NDUFS4: variants seen among roughly 807,000 people sequenced by gnomAD.
The protein encoded by NDUFS4 is NADH:ubiquinone oxidoreductase subunit S4.
A neutral mutation model predicts 24.3 loss-of-function variants in NDUFS4; 28 were observed. That is an observed-to-expected ratio of 1.15 (90% CI 0.85 to 1.58). NDUFS4 has a LOEUF of 1.58. NDUFS4 is among the 40% of genes most tolerant of loss of function. The pLI is 0.00. For synonymous variants in NDUFS4, 93 were observed against 69.7 expected, an observed-to-expected ratio of 1.34 and a Z score of -1.67; for missense variants, 223 against 207.9, an observed-to-expected ratio of 1.07 and a Z score of -0.45.
chr5:53,646,971 G>C (rs1330723684), intron 3 of NDUFS4, among the ~76,000 whole-genome samples: 2 of 151,908 alleles, frequency 1.3e-5, no homozygotes, highest in African/African-American at 4.8e-5. Context: ...TCCCCCCTCA[G>C]ATAAGGGGGA....
intron 4 of NDUFS4, among the ~76,000 whole-genome samples, chr5:53,679,271 A>ACAAT (rs1740574031): frequency 6.6e-6 from 1 of 152,266 alleles, no homozygotes; most frequent in East Asian, 1.9e-4. Context: ...ACACATCCTA[A>ACAAT]CAATCATGAG....
intron 2 of NDUFS4, among the ~76,000 whole-genome samples, chr5:53,645,190 T>A (rs1751823850): frequency 6.6e-6 from 1 of 152,164 alleles, no homozygotes; most frequent in Non-Finnish European, 1.5e-5. Context: ...ACCATGATTT[T>A]AAAATGCTTC....
chr5:53,631,823 C>T (rs181531183), intron 2 of NDUFS4, among the ~76,000 whole-genome samples: 34 of 152,282 alleles, frequency 2.2e-4, no homozygotes, highest in East Asian at 3.9e-4. Context: ...TTCATGGGCA[C>T]GGGACCTGCC....
At chr5:53,605,129 G>A (rs961897425) in intron 2 of NDUFS4, among the ~76,000 whole-genome samples, 3 of 152,168 alleles carry the variant, frequency 2.0e-5, no homozygotes, top group African/African-American at 7.2e-5. Context: ...GCTGAGGCAG[G>A]AGAATCGCTT....
At chr5:53,624,548 C>T (rs773029145) in intron 2 of NDUFS4, among the ~76,000 whole-genome samples, 1 of 152,110 alleles carries the variant, frequency 6.6e-6, no homozygotes, top group Non-Finnish European at 1.5e-5. Context: ...ACAAATCTTT[C>T]GTTTTCTAAG....
chr5:53,565,691 G>C (rs1748997519), intron 1 of NDUFS4, among the ~76,000 whole-genome samples: 1 of 152,138 alleles, frequency 6.6e-6, no homozygotes, highest in Non-Finnish European at 1.5e-5. Flanking sequence ...TATTCACCTA[G>C]AACTCTGTTA....
At chr5:53,633,345 T>C (rs1434790379) in intron 2 of NDUFS4, among the ~76,000 whole-genome samples, 2 of 152,182 alleles carry the variant, frequency 1.3e-5, no homozygotes, top group East Asian at 1.9e-4. Flanking sequence ...CTGTCTCTTA[T>C]GAGGTAAGTT....
At chr5:53,643,785 T>G (rs1241671369) in intron 2 of NDUFS4, among the ~76,000 whole-genome samples, 1 of 152,092 alleles carries the variant, frequency 6.6e-6, no homozygotes, top group Non-Finnish European at 1.5e-5. Flanking sequence ...TATTCTGTCT[T>G]TGGCAGCAGC....
At chr5:53,643,735 C>T (rs1333936679) in intron 2 of NDUFS4, among the ~76,000 whole-genome samples, 2 of 152,028 alleles carry the variant, frequency 1.3e-5, no homozygotes, top group Non-Finnish European at 2.9e-5. Flanking sequence ...AGCCTCTGTA[C>T]CCTTTAGGTG....
At chr5:53,607,276 C>T (rs554780344) in intron 2 of NDUFS4, among the ~76,000 whole-genome samples, 8 of 152,256 alleles carry the variant, frequency 5.3e-5, no homozygotes, top group South Asian at 2.1e-4. Context: ...CTTCCCAGAA[C>T]GGTCTTTAAA....
chr5:53,618,693 C>T (rs1750932358), intron 2 of NDUFS4, among the ~76,000 whole-genome samples: 1 of 152,090 alleles, frequency 6.6e-6, no homozygotes, highest in Non-Finnish European at 1.5e-5. Context: ...TATAATTATC[C>T]TTCCAGTGAG....
At chr5:53,664,818 T>C (rs964847573) in intron 4 of NDUFS4, among the ~76,000 whole-genome samples, 2 of 152,218 alleles carry the variant, frequency 1.3e-5, no homozygotes, top group Admixed American at 1.3e-4. Context: ...TCTGAAGCCT[T>C]CTGTCAACTC....
intron 1 of NDUFS4, among the ~76,000 whole-genome samples, chr5:53,587,181 T>C (rs1208939485): frequency 1.3e-5 from 2 of 152,134 alleles, no homozygotes; most frequent in Non-Finnish European, 2.9e-5. Flanking sequence ...CATCTGCTCA[T>C]TTACCACTGC....
intron 1 of NDUFS4, among the ~76,000 whole-genome samples, chr5:53,594,733 G>C (rs565343656): frequency 1.1e-3 from 167 of 151,828 alleles, no homozygotes; most frequent in Non-Finnish European, 1.8e-3. Context: ...TTCATTCCTA[G>C]TTTGTGGATA....
chr5:53,619,844 G>C (rs1341332214), intron 2 of NDUFS4, among the ~76,000 whole-genome samples: 1 of 151,928 alleles, frequency 6.6e-6, no homozygotes, highest in South Asian at 2.1e-4. Context: ...TCATTGTATG[G>C]CTGTACCATA....
intron 3 of NDUFS4, among the ~76,000 whole-genome samples, chr5:53,656,214 T>C (rs1177046824): frequency 1.7e-5 from 1 of 59,324 alleles, no homozygotes; most frequent in Non-Finnish European, 3.4e-5. Flanking sequence ...TCTAGAAGTT[T>C]ATTTTTTTTT....
At chr5:53,562,322 T>C (rs1344446014) in intron 1 of NDUFS4, among the ~76,000 whole-genome samples, 2 of 152,198 alleles carry the variant, frequency 1.3e-5, no homozygotes, top group African/African-American at 2.4e-5. Context: ...TAGGGATTAA[T>C]TGTCATTCCC....
intron 1 of NDUFS4, among the ~76,000 whole-genome samples, chr5:53,595,263 C>A (rs1750100139): frequency 6.6e-6 from 1 of 152,054 alleles, no homozygotes; most frequent in Non-Finnish European, 1.5e-5. Flanking sequence ...TCATGAGACT[C>A]ACCTAATTTT....
At chr5:53,578,488 C>T (rs577433520) in intron 1 of NDUFS4, among the ~76,000 whole-genome samples, 5 of 152,072 alleles carry the variant, frequency 3.3e-5, no homozygotes, top group South Asian at 2.1e-4. Context: ...CTATTGGACC[C>T]GTCATGTCAG....
Sources: allele counts gnomAD v4.1 joint callset (sites outside exome capture counted in the v4.1 genomes callset), GRCh38; gene constraint gnomAD v4.1.1; transcripts MANE v1.5; gene names NCBI Gene and HGNC (gene_info 2026-07-23, HGNC 2026-07-21).